The following TMEM268 variants were observed in gnomAD, a reference collection of about 807,000 sequenced individuals.
TMEM268 encodes transmembrane protein 268.
A neutral mutation model predicts 39.1 loss-of-function variants in TMEM268; 24 were observed. That is an observed-to-expected ratio of 0.61 (90% CI 0.44 to 0.86). TMEM268 has a LOEUF of 0.86. Ranked by LOEUF, TMEM268 falls within the 40% of genes least tolerant of loss-of-function variation. TMEM268 has a pLI of 0.00. For missense variants in TMEM268, 409 were observed against 428.6 expected (o/e 0.95, Z 0.40); for synonymous variants, 176 against 173.5 (o/e 1.01, Z -0.12).
At chr9:114,639,039 C>T (rs2900590) in intron 8 of TMEM268, among the ~76,000 whole-genome samples, 45,450 of 152,070 alleles carry the variant, frequency 0.3, 7,526 homozygotes, top group South Asian at 0.44. Flanking sequence ...CATGAACATA[C>T]TGATGAACAT....
At chr9:114,633,151 A>G (rs1422247516) in intron 5 of TMEM268, among the ~76,000 whole-genome samples, 2 of 146,886 alleles carry the variant, frequency 1.4e-5, no homozygotes, top group African/African-American at 2.5e-5. Context: ...GGATGCTAAC[A>G]TGCCTAGTTA....
Position 114,624,338 on chromosome 9 carries a change from G to C in TMEM268, c.107-12G>C, listed in dbSNP as rs553944609. ...ATCACTCAGCCAGATGAAGCTTCTG[G>C]TCTGCTTCCAGAGCTCCACAATGGC... is the stretch of plus-strand genomic sequence containing the variant. On this transcript the variant is annotated splice_polypyrimidine_tract_variant and intron_variant, in intron 2 of 8. Coordinates refer to ENST00000288502, the MANE Select transcript of TMEM268 (RefSeq NM_153045.4). The C allele has an allele frequency of 6.3e-7, 1 of 1,588,426 alleles. No homozygotes were observed. The highest frequency in any genetic ancestry group is 8.6e-7 in the Non-Finnish European group (1 of 1,165,740).
At chr9:114,634,370 G>A (rs1179513036) in intron 6 of TMEM268, among the ~76,000 whole-genome samples, 1 of 152,236 alleles carries the variant, frequency 6.6e-6, no homozygotes, top group Middle Eastern at 3.2e-3. Context: ...CACCATGGCT[G>A]GGGCTATACC....
At chr9:114,604,771 T>C in the TMEM268 span, among the ~76,000 whole-genome samples, 3 of 151,986 alleles carry the variant, frequency 2.0e-5, no homozygotes, top group African/African-American at 7.3e-5. Context: ...TCTGCTTCTA[T>C]CAAGGGAAGG....
chr9:114,636,958 G>C, intron 6 of TMEM268, 32 bp from the exon 7 acceptor site: 1 of 1,520,670 alleles, frequency 6.6e-7, no homozygotes, highest in East Asian at 2.3e-5. Flanking sequence ...CTGCCCTTGA[G>C]CCACGGTGGT....
Position 114,638,662 on chromosome 9 carries a change from G to A in TMEM268, c.785G>A (p.Cys262Tyr), listed in dbSNP as rs1846750909. 1.9e-6 allele frequency: 3 copies of A among 1,608,460 alleles called. No individual in the cohort carries two copies. Among genetic ancestry groups the A allele is most frequent in the Non-Finnish European group, 2.5e-6 (3 of 1,177,696 alleles). The change falls in exon 8 of 9, where the codon TGT becomes TAT. Residue 262 changes from cysteine to tyrosine, a missense_variant. By Grantham distance (194) the Cys-to-Tyr change is radical. Transcript: ENST00000288502. Reference sequence around the variant, plus strand: ...GCTCCTCTCCTGCCCGGCAATTCTTGTCCTAACGAGAGGCCACTCATGCAG... The same window carrying A: ...GCTCCTCTCCTGCCCGGCAATTCTTATCCTAACGAGAGGCCACTCATGCAG... ...EDAPLLPGNS[C>Y]PNERPLMQTE...
chr9:114,614,346 G>T (rs2133589204), intron 1 of TMEM268, among the ~76,000 whole-genome samples: 1 of 152,350 alleles, frequency 6.6e-6, no homozygotes, highest in South Asian at 2.1e-4. Flanking sequence ...ATCGGGGCCA[G>T]CTTCAGGTGC....
rs187293356 is a variant in TMEM268 at position 114,642,111 on chromosome 9, C to T, written c.850-1023C>T. ...AGGTACATTCACATCGTTATGCAAC[C>T]ATCACCATCAGCCATCTGCAGAATG... On this transcript the variant is annotated intron_variant, in intron 8 of 8. Transcript: ENST00000288502. Among the ~76,000 whole-genome samples, 30 of 152,162 alleles carry T rather than the reference C, an allele frequency of 2.0e-4. 1 individual carries two copies. The East Asian group carries it at 4.8e-3, about 25-fold the overall frequency.
chr9:114,636,847 C>G (rs1197959904), intron 6 of TMEM268, 143 bp from the exon 7 acceptor site: 1 of 590,016 alleles, frequency 1.7e-6, no homozygotes, highest in Non-Finnish European at 3.1e-6. Context: ...ATTTTTCTAC[C>G]AACCATACAA....
intron 3 of TMEM268, 29 bp downstream of exon 3, chr9:114,624,488 C>A (rs1846079380): frequency 1.3e-6 from 2 of 1,551,702 alleles, no homozygotes; most frequent in East Asian, 4.8e-5. Flanking sequence ...GAATCCCTAC[C>A]ATTTTCTCTT....
At chr9:114,633,185 A>T (rs11794183) in intron 5 of TMEM268, among the ~76,000 whole-genome samples, 1 of 148,180 alleles carries the variant, frequency 6.7e-6, no homozygotes, top group African/African-American at 2.5e-5. Context: ...TTTTTGAGAC[A>T]GAGTCTCACT....
At chr9:114,609,781 CAAAG>C (rs1388700604), upstream of TMEM268, among the ~76,000 whole-genome samples, 23 of 138,562 alleles carry the variant, frequency 1.7e-4, no homozygotes, top group African/African-American at 2.1e-4. Flanking sequence ...GAAAAAGAAA[CAAAG>C]AGAGAAAGAA....
intron 1 of TMEM268, among the ~76,000 whole-genome samples, chr9:114,612,905 A>G (rs893968987): frequency 2.0e-5 from 3 of 152,222 alleles, no homozygotes; most frequent in Non-Finnish European, 4.4e-5. Flanking sequence ...TCAAGATAGC[A>G]CAGGGCCTGG....
intron 1 of TMEM268, among the ~76,000 whole-genome samples, chr9:114,613,138 A>C (rs1339098776): frequency 1.3e-5 from 2 of 152,230 alleles, no homozygotes; most frequent in Non-Finnish European, 2.9e-5. Context: ...GCGGCAGGAC[A>C]GGGCCGGTTA....
intron 7 of TMEM268, among the ~76,000 whole-genome samples, chr9:114,638,164 C>G (rs1176085109): frequency 6.6e-6 from 1 of 152,172 alleles, no homozygotes; most frequent in Non-Finnish European, 1.5e-5. Flanking sequence ...GCCTCAGCCT[C>G]CTGAGTAGCT....
At chr9:114,604,166 A>G in the TMEM268 span, among the ~76,000 whole-genome samples, 2 of 152,084 alleles carry the variant, frequency 1.3e-5, no homozygotes, top group African/African-American at 2.4e-5. Context: ...CTTCATAGCT[A>G]TATACCTTTT....
chr9:114,629,554 A>T (rs1369874423), intron 5 of TMEM268, among the ~76,000 whole-genome samples: 2 of 152,214 alleles, frequency 1.3e-5, no homozygotes, highest in Non-Finnish European at 2.9e-5. Context: ...CATAAATTTC[A>T]TCGGTGGCTT....
At position 114,646,239 on chromosome 9, in the gene TMEM268, A is replaced by G. The variant is rs887829092; in HGVS notation, c.*2926A>G. On this transcript the variant is annotated 3_prime_UTR_variant, in exon 9 of 9. Transcript: ENST00000288502. Reference sequence around the variant, plus strand: ...CTAGAGTTCTGTTTATTCTAATCCAAGTTCTTCCACTTAAAAACAATGTTC... The same window carrying G: ...CTAGAGTTCTGTTTATTCTAATCCAGGTTCTTCCACTTAAAAACAATGTTC... 4 of 152,178 alleles carry G rather than the reference A, an allele frequency of 2.6e-5. No homozygotes were observed. The highest frequency in any genetic ancestry group is 9.7e-5 in the African/African-American group (4 of 41,450). The allele number at this position is 152,178 out of a possible 1,614,324, so 9.4% of individuals were successfully genotyped here. A position where few individuals can be genotyped will look rare whatever the true frequency, so the allele number is the denominator to read the frequency against.
the TMEM268 span, among the ~76,000 whole-genome samples, chr9:114,604,132 C>T: frequency 6.6e-6 from 1 of 151,952 alleles, no homozygotes; most frequent in East Asian, 1.9e-4. Flanking sequence ...TGTTTAACCA[C>T]GGTGTGTACT....
Sources: allele counts gnomAD v4.1 joint callset (sites outside exome capture counted in the v4.1 genomes callset), GRCh38; gene constraint gnomAD v4.1.1; transcripts MANE v1.5; gene names NCBI Gene and HGNC (gene_info 2026-07-23, HGNC 2026-07-21).